WWC2: variants seen among roughly 807,000 people sequenced by gnomAD.
WWC2 encodes WW and C2 domain containing 2.
Under a neutral mutation model 138.5 loss-of-function variants are expected in WWC2, and 101 were observed. That is an observed-to-expected ratio of 0.73 (90% CI 0.62 to 0.86). The LOEUF is 0.86. WWC2 is among the 40% of genes least tolerant of loss of function. The pLI is 0.00. For synonymous variants in WWC2, 558 were observed against 538.4 expected (o/e 1.04, Z -0.50); for missense variants, 1,420 against 1,419.4 (o/e 1.00, Z -0.01).
chr4:183,259,764 T>C, intron 10 of WWC2, 36 bp downstream of exon 10: 1 of 1,365,548 alleles, frequency 7.3e-7, no homozygotes, highest in African/African-American at 1.5e-5. Flanking sequence ...AAAGCTTTTC[T>C]CCGAATAGCA....
chr4:183,105,130 A>G (rs930506501), intron 1 of WWC2, among the ~76,000 whole-genome samples: 2 of 152,146 alleles, frequency 1.3e-5, no homozygotes, highest in African/African-American at 2.4e-5. Context: ...GCTGGTCTCA[A>G]ACTCCTGACC....
intron 21 of WWC2, among the ~76,000 whole-genome samples, chr4:183,305,871 A>G (rs920764866): frequency 6.6e-6 from 1 of 152,208 alleles, no homozygotes; most frequent in Non-Finnish European, 1.5e-5. Context: ...AATTTTTCTT[A>G]TTCTTAATCA....
chr4:183,258,999 T>C (rs992548794), intron 9 of WWC2, among the ~76,000 whole-genome samples: 12 of 152,150 alleles, frequency 7.9e-5, no homozygotes, highest in African/African-American at 2.9e-4. Flanking sequence ...CAGTTGAATG[T>C]GGATGAAATT....
chr4:183,298,910 TG>T (rs1738727530), intron 21 of WWC2, among the ~76,000 whole-genome samples: 1 of 152,180 alleles, frequency 6.6e-6, no homozygotes, highest in Non-Finnish European at 1.5e-5. Flanking sequence ...ATGTGATTCC[TG>T]GAAGTTTTTC....
chr4:183,302,341 C>T (rs570975074), intron 21 of WWC2, among the ~76,000 whole-genome samples: 1 of 152,230 alleles, frequency 6.6e-6, no homozygotes, highest in African/African-American at 2.4e-5. Flanking sequence ...CTTAATTGCC[C>T]TTTTTGCCAG....
intron 1 of WWC2, 44 bp downstream of exon 1, chr4:183,099,666 G>T: frequency 8.2e-7 from 1 of 1,225,296 alleles, no homozygotes; most frequent in South Asian, 3.1e-5. Flanking sequence ...GGACACGGCG[G>T]CTGTTGTCCC....
intron 15 of WWC2, among the ~76,000 whole-genome samples, chr4:183,270,438 TGTGA>T (rs1737662201): frequency 6.6e-6 from 1 of 152,144 alleles, no homozygotes; most frequent in East Asian, 1.9e-4. Flanking sequence ...ATGGGTTGTT[TGTGA>T]GTAAGTCACC....
chr4:183,113,480 C>CTGTGTGTGTGTGTGTG (rs113602820), intron 1 of WWC2, among the ~76,000 whole-genome samples: 3 of 143,706 alleles, frequency 2.1e-5, no homozygotes, highest in African/African-American at 7.7e-5. Context: ...AAGGTGGGGC[C>CTGTGTGTGTGTGTGTG]TGTGTGTGTG....
chr4:183,202,758 G>T (rs1272225276), intron 2 of WWC2, among the ~76,000 whole-genome samples: 7 of 152,196 alleles, frequency 4.6e-5, no homozygotes, highest in South Asian at 2.1e-4. Flanking sequence ...TCAAGCCAGG[G>T]TAGGTTAACA....
chr4:183,293,767 T>G (rs1738540662), intron 21 of WWC2, among the ~76,000 whole-genome samples: 1 of 152,178 alleles, frequency 6.6e-6, no homozygotes, highest in Admixed American at 6.5e-5. Flanking sequence ...AAAAGTCTGT[T>G]GCATTTATTT....
intron 1 of WWC2, among the ~76,000 whole-genome samples, chr4:183,141,605 G>T (rs1733301939): frequency 6.6e-6 from 1 of 152,062 alleles, no homozygotes; most frequent in African/African-American, 2.4e-5. Context: ...TTACCAAGTG[G>T]CTAGATTCAC....
intron 1 of WWC2, among the ~76,000 whole-genome samples, chr4:183,132,696 G>A (rs1256540054): frequency 2.0e-5 from 3 of 151,838 alleles, no homozygotes; most frequent in Admixed American, 6.6e-5. Context: ...CTCGTGATCC[G>A]CCCTCCTCAG....
At chr4:183,163,873 T>C (rs1734031646) in intron 1 of WWC2, among the ~76,000 whole-genome samples, 1 of 152,134 alleles carries the variant, frequency 6.6e-6, no homozygotes, top group Non-Finnish European at 1.5e-5. Flanking sequence ...AATTGAATCA[T>C]CAAATAAGGT....
rs371383067 is a variant in WWC2 at position 183,227,212 on chromosome 4, C to T, written c.523-12971C>T. On this transcript the variant is annotated intron_variant, in intron 4 of 22. Coordinates refer to ENST00000403733, the MANE Select transcript of WWC2 (RefSeq NM_024949.6). ...AAAGGAGGAAAAAAAACATTGGGAC[C>T]GTTGGATTTATCACCATCAGATACC... Among the ~76,000 whole-genome samples, 9 of 152,138 alleles carry T rather than the reference C, an allele frequency of 5.9e-5. No homozygotes were observed. The East Asian group carries it at 7.7e-4, about 13-fold the overall frequency.
rs1160695384 is a variant in WWC2 at position 183,265,970 on chromosome 4, G to T, written c.2207+19G>T. 2.5e-6 allele frequency: 4 copies of T among 1,592,968 alleles called. No individual in the cohort carries two copies. Among genetic ancestry groups the T allele is most frequent in the Non-Finnish European group, 3.4e-6 (4 of 1,167,258 alleles). Reference sequence around the variant, plus strand: ...CAAAAGTGTAAGTAAAATCAGCGAAGATCAAATTGAGGAACTTAAACATTT... The same window carrying T: ...CAAAAGTGTAAGTAAAATCAGCGAATATCAAATTGAGGAACTTAAACATTT... On this transcript the variant is annotated intron_variant, in intron 14 of 22. Transcript: ENST00000403733.
intron 2 of WWC2, among the ~76,000 whole-genome samples, chr4:183,200,676 T>C (rs1735272175): frequency 6.6e-6 from 1 of 152,164 alleles, no homozygotes; most frequent in African/African-American, 2.4e-5. Context: ...TTCACTTCCT[T>C]GCTGGCTGCT....
In WWC2 at chr4:183,319,841, G is replaced by A; in HGVS notation, c.*4112G>A. On this transcript the variant is annotated 3_prime_UTR_variant, in exon 23 of 23. Coordinates refer to ENST00000403733, the MANE Select transcript of WWC2 (RefSeq NM_024949.6). ...CCAGGGCTGTGACTCCCGAGGCCCA[G>A]GACAGAATTCCTCCCAGGATCAGCA... The A allele has an allele frequency of 1.2e-6, 2 of 1,613,976 alleles. No homozygotes were observed. Among genetic ancestry groups the A allele is most frequent in the African/African-American group, 1.3e-5 (1 of 75,030 alleles).
rs182262053 is a variant in WWC2, at chr4:183,202,105, C to T, written c.242-5848C>T. The stretch of plus-strand genomic sequence containing the variant: ...AATGAGTGAGGCAGGGTAGGCAAAT[C>T]TGAGCAAGTTTAGGATTGGCTAGGT... On this transcript the variant is annotated intron_variant, in intron 2 of 22. Coordinates refer to ENST00000403733, the MANE Select transcript of WWC2 (RefSeq NM_024949.6). Among the ~76,000 whole-genome samples the T allele has an allele frequency of 4.1e-4, 63 of 152,176 alleles. 1 individual carries two copies. In the East Asian group the frequency reaches 9.3e-3, roughly 22 times the overall value.
At chr4:183,132,558 A>G (rs1267547090) in intron 1 of WWC2, among the ~76,000 whole-genome samples, 1 of 150,114 alleles carries the variant, frequency 6.7e-6, no homozygotes, top group African/African-American at 2.5e-5. Context: ...GGTTCACGCC[A>G]TTCTCCTGCC....
Sources: allele counts gnomAD v4.1 joint callset (sites outside exome capture counted in the v4.1 genomes callset), GRCh38; gene constraint gnomAD v4.1.1; transcripts MANE v1.5; gene names NCBI Gene and HGNC (gene_info 2026-07-23, HGNC 2026-07-21).